DPP6: variants seen among roughly 807,000 people sequenced by gnomAD.
The protein encoded by DPP6 is A-type potassium channel modulatory protein DPP6.
Under a neutral mutation model 122.6 loss-of-function variants are expected in DPP6, and 69 were observed. That is an observed-to-expected ratio of 0.56 (90% confidence interval 0.46 to 0.69). The LOEUF is 0.69. Among genes scored for constraint, DPP6 ranks in the 30% least tolerant of loss-of-function variants. The probability of loss-of-function intolerance (pLI) is 0.00; values close to 1 mark genes in which losing one functional copy is unlikely to be tolerated. For missense variants in DPP6, 928 were observed against 1,116.9 expected, an observed-to-expected ratio of 0.83 and a Z score of 2.41; for synonymous variants, 418 against 433.1, an observed-to-expected ratio of 0.97 and a Z score of 0.43.
chr7:153,978,790 T>C (rs1796435264), intron 1 of DPP6, among the ~76,000 whole-genome samples: 1 of 152,160 alleles, frequency 6.6e-6, no homozygotes, highest in South Asian at 2.1e-4. Flanking sequence ...CCCAACACCA[T>C]TTATTAAATA....
At chr7:154,506,748 A>T (rs1487148906) in intron 3 of DPP6, among the ~76,000 whole-genome samples, 1 of 152,204 alleles carries the variant, frequency 6.6e-6, no homozygotes, top group Admixed American at 6.5e-5. Context: ...TAAAATTAAG[A>T]TCTATATTTA....
At chr7:153,804,862 C>T in the DPP6 span, among the ~76,000 whole-genome samples, 4 of 151,590 alleles carry the variant, frequency 2.6e-5, no homozygotes, top group East Asian at 3.9e-4. Context: ...CCAGCCTGGG[C>T]AACAGAGAGA....
chr7:154,171,961 A>G (rs1797553660), intron 1 of DPP6, among the ~76,000 whole-genome samples: 1 of 152,112 alleles, frequency 6.6e-6, no homozygotes, highest in Non-Finnish European at 1.5e-5. Context: ...AACGTTATGA[A>G]ACAGTATTAC....
chr7:154,654,741 C>T (rs1351250375), intron 6 of DPP6, among the ~76,000 whole-genome samples: 2 of 151,982 alleles, frequency 1.3e-5, no homozygotes, highest in African/African-American at 4.8e-5. Flanking sequence ...AGGAAAGGAA[C>T]TTCTGATACA....
chr7:154,422,134 TCTGTGGGAATAAATAC>T (rs1211922629), intron 1 of DPP6, among the ~76,000 whole-genome samples: 3 of 152,178 alleles, frequency 2.0e-5, no homozygotes, highest in African/African-American at 7.2e-5. Flanking sequence ...AAGGACAGGA[TCTGTGGGAATAAATAC>T]CTGAATTCTC....
At chr7:154,749,731 A>G (rs370046110) in intron 8 of DPP6, among the ~76,000 whole-genome samples, 74 of 32,976 alleles carry the variant, frequency 2.2e-3, no homozygotes, top group African/African-American at 7.8e-3. Flanking sequence ...CGAGGGTGAG[A>G]GAGCATAGGA....
chr7:154,168,957 C>A (rs539661111), intron 1 of DPP6, among the ~76,000 whole-genome samples: 2 of 152,220 alleles, frequency 1.3e-5, no homozygotes, highest in African/African-American at 4.8e-5. Context: ...TGGTAAGACT[C>A]GACTTGAACT....
chr7:154,744,772 A>G (rs1842963759), intron 8 of DPP6, among the ~76,000 whole-genome samples: 1 of 152,190 alleles, frequency 6.6e-6, no homozygotes, highest in Non-Finnish European at 1.5e-5. Context: ...TCTATCAGGC[A>G]TGTTATTTAT....
chr7:154,405,655 A>T (rs1586178268), intron 1 of DPP6, among the ~76,000 whole-genome samples: 1 of 151,914 alleles, frequency 6.6e-6, no homozygotes, highest in South Asian at 2.1e-4. Context: ...GTGTGAGGGG[A>T]CTGGAGCTGG....
At chr7:154,402,354 T>C (rs1247280318) in intron 1 of DPP6, among the ~76,000 whole-genome samples, 1 of 149,720 alleles carries the variant, frequency 6.7e-6, no homozygotes, top group African/African-American at 2.5e-5. Flanking sequence ...AACCCAAATG[T>C]CCAACAATGA....
chr7:154,795,129 G>A (rs767313501), intron 11 of DPP6, among the ~76,000 whole-genome samples: 8 of 152,130 alleles, frequency 5.3e-5, no homozygotes, highest in Non-Finnish European at 1.0e-4. Context: ...AAAGCAGGCA[G>A]CTAAAAATGG....
chr7:154,747,161 T>C (rs925307567), intron 8 of DPP6, among the ~76,000 whole-genome samples: 5 of 152,186 alleles, frequency 3.3e-5, no homozygotes, highest in African/African-American at 9.6e-5. Context: ...GTCTGCTCCG[T>C]TTAAGGGAAG....
chr7:154,426,473 G>A (rs563397008), intron 1 of DPP6, among the ~76,000 whole-genome samples: 1 of 152,170 alleles, frequency 6.6e-6, no homozygotes, highest in Admixed American at 6.5e-5. Context: ...GGAGTTTGCA[G>A]TTCCGTAGTA....
At chr7:154,465,656 G>A (rs769486327) in intron 2 of DPP6, among the ~76,000 whole-genome samples, 1 of 152,190 alleles carries the variant, frequency 6.6e-6, no homozygotes, top group Non-Finnish European at 1.5e-5. Flanking sequence ...ACCACAATGA[G>A]ATACTATCTC....
the DPP6 span, among the ~76,000 whole-genome samples, chr7:153,868,909 A>G: frequency 6.6e-6 from 1 of 151,916 alleles, no homozygotes; most frequent in African/African-American, 2.4e-5. Context: ...TTCGTTATGT[A>G]CCCAGTAGTC....
intron 1 of DPP6, among the ~76,000 whole-genome samples, chr7:154,143,269 C>G (rs1482831198): frequency 6.6e-6 from 1 of 152,154 alleles, no homozygotes; most frequent in Non-Finnish European, 1.5e-5. Context: ...TCTGACCGTT[C>G]CCAATCCTGA....
At chr7:154,653,613 G>A (rs1837028506) in intron 6 of DPP6, among the ~76,000 whole-genome samples, 1 of 148,952 alleles carries the variant, frequency 6.7e-6, no homozygotes. Context: ...ATTGATAGAT[G>A]ATAGACTGAT....
intron 1 of DPP6, among the ~76,000 whole-genome samples, chr7:154,250,200 GT>G (rs1222389848): frequency 6.6e-6 from 1 of 152,008 alleles, no homozygotes; most frequent in Non-Finnish European, 1.5e-5. Context: ...CGGGAGCTTG[GT>G]TTTTGAGACG....
chr7:154,849,863 T>C (rs934181212), intron 16 of DPP6, among the ~76,000 whole-genome samples: 1 of 152,214 alleles, frequency 6.6e-6, no homozygotes, highest in Non-Finnish European at 1.5e-5. Flanking sequence ...TTGACAGCTT[T>C]TATCATGAAA....
Sources: allele counts gnomAD v4.1 joint callset (sites outside exome capture counted in the v4.1 genomes callset), GRCh38; gene constraint gnomAD v4.1.1; transcripts MANE v1.5; gene names NCBI Gene and HGNC (gene_info 2026-07-23, HGNC 2026-07-21).